The following THADA variants were observed in gnomAD, a reference collection of about 807,000 sequenced individuals.
THADA encodes the protein THADA armadillo repeat containing.
In THADA, 213 loss-of-function variants were observed where a neutral mutation model predicts 219.8. That is an observed-to-expected ratio of 0.97 (90% CI 0.87 to 1.09). THADA has a LOEUF of 1.09. Among genes scored for constraint, THADA ranks in the 50% least tolerant of loss-of-function variants. The probability of loss-of-function intolerance (pLI) is 0.00; values close to 1 mark genes in which losing one functional copy is unlikely to be tolerated. For synonymous variants in THADA, 1,018 were observed against 828.9 expected, an observed-to-expected ratio of 1.23 and a Z score of -3.92; for missense variants, 2,956 against 2,311.3, an observed-to-expected ratio of 1.28 and a Z score of -5.72.
chr2:43,542,906 G>A (rs777031835), intron 20 of THADA, among the ~76,000 whole-genome samples: 2 of 151,894 alleles, frequency 1.3e-5, no homozygotes, highest in Non-Finnish European at 2.9e-5. Context: ...TAGGGTACAT[G>A]TGCACAATGT....
intron 35 of THADA, among the ~76,000 whole-genome samples, chr2:43,285,095 C>G (rs745401687): frequency 1.6e-4 from 24 of 152,178 alleles, no homozygotes; most frequent in Non-Finnish European, 2.8e-4. Context: ...GGGAGTTACC[C>G]TGGCTCAGAT....
intron 22 of THADA, among the ~76,000 whole-genome samples, chr2:43,516,830 A>T (rs931855263): frequency 6.6e-6 from 1 of 152,154 alleles, no homozygotes; most frequent in East Asian, 1.9e-4. Context: ...TTTTAAAGAG[A>T]TCTATCAGGT....
In THADA at chr2:43,586,896, C is replaced by T. The variant is rs753309055; in HGVS notation, c.409G>A (p.Val137Ile). Residue 137 changes from valine (V) to isoleucine (I), a missense_variant, in exon 5 of 38, where the codon GTT becomes ATT. Val to Ile is a conservative substitution (Grantham distance 29). Coordinates refer to ENST00000405975, the MANE Select transcript of THADA (RefSeq NM_022065.5). Reference protein sequence around the residue: ...NTTDLYSYRKVTDNISSCMEN... With the variant: ...NTTDLYSYRKITDNISSCMEN... Reference sequence around the variant, plus strand: ...ATACAGGAAGAAATATTGTCAGTAACTTTCCTGTAAGAGTATAAGTCAGTA... The same window carrying T: ...ATACAGGAAGAAATATTGTCAGTAATTTTCCTGTAAGAGTATAAGTCAGTA... The T allele has an allele frequency of 6.2e-7, 1 of 1,613,884 alleles. No individual in the cohort carries two copies. Among genetic ancestry groups the T allele is most frequent in the Admixed American group, 1.7e-5 (1 of 60,008 alleles).
intron 26 of THADA, among the ~76,000 whole-genome samples, chr2:43,440,864 C>CTA (rs1482462796): frequency 6.6e-6 from 1 of 152,134 alleles, no homozygotes; most frequent in Non-Finnish European, 1.5e-5. Flanking sequence ...GGCAGTGGAG[C>CTA]TACTATTCTA....
chr2:43,517,051 G>C (rs1183698868), intron 22 of THADA, among the ~76,000 whole-genome samples: 2 of 152,038 alleles, frequency 1.3e-5, no homozygotes, highest in African/African-American at 2.4e-5. Flanking sequence ...CATTGGGGTG[G>C]GGGTTAAAGT....
At chr2:43,265,165 T>C (rs1398219412) in intron 36 of THADA, among the ~76,000 whole-genome samples, 3 of 152,162 alleles carry the variant, frequency 2.0e-5, no homozygotes, top group African/African-American at 7.2e-5. Flanking sequence ...CAGCAACTCC[T>C]GCCCATTCCA....
At chr2:43,571,518 T>C (rs1476667417) in intron 13 of THADA, among the ~76,000 whole-genome samples, 189 bp downstream of exon 13, 3 of 152,040 alleles carry the variant, frequency 2.0e-5, no homozygotes, top group Non-Finnish European at 4.4e-5. Context: ...TGCTTTTCAC[T>C]CTGGATTTTA....
chr2:43,375,709 T>G (rs1222161921), intron 29 of THADA, among the ~76,000 whole-genome samples: 1 of 152,210 alleles, frequency 6.6e-6, no homozygotes, highest in Non-Finnish European at 1.5e-5. Context: ...GCCAAAAGAA[T>G]ATAACGCTGG....
chr2:43,497,100 T>C (rs1265188980), intron 25 of THADA, among the ~76,000 whole-genome samples: 1 of 152,136 alleles, frequency 6.6e-6, no homozygotes, highest in Non-Finnish European at 1.5e-5. Flanking sequence ...AAATGTAAAT[T>C]AGTTCAACCA....
rs1217122584 is a variant in THADA, at chr2:43,428,194, G to C, written c.3964C>G (p.Leu1322Val). 1.9e-6 allele frequency: 3 copies of C among 1,606,740 alleles called. No individual in the cohort carries two copies. Among genetic ancestry groups the C allele is most frequent in the African/African-American group, 2.7e-5 (2 of 74,706 alleles). Reference protein sequence around the residue: ...GEPNRHPSMFLLLLVLERLYA... With the variant: ...GEPNRHPSMFVLLLVLERLYA... ...AGTCTCTCCAACACCAAAAGTAAGA[G>C]AAACATGCTTGGATGACGATTTGGT... Residue 1322 changes from leucine to valine, a missense_variant, in exon 28 of 38, where the codon CTC becomes GTC. By Grantham distance (32) the Leu-to-Val change is conservative. Coordinates refer to ENST00000405975, the MANE Select transcript of THADA (RefSeq NM_022065.5).
intron 29 of THADA, among the ~76,000 whole-genome samples, chr2:43,348,612 T>C (rs1667907871): frequency 6.6e-6 from 1 of 152,102 alleles, no homozygotes; most frequent in Non-Finnish European, 1.5e-5. Flanking sequence ...GAGGAAAGGA[T>C]ACATCTGAGA....
At position 43,541,158 on chromosome 2, in the gene THADA, C is replaced by T. The variant is rs770451674; in HGVS notation, c.3264+1G>A. 2.6e-6 allele frequency: 4 copies of T among 1,558,780 alleles called. No homozygotes were observed. The South Asian group carries it at 3.7e-5, about 14-fold the overall frequency. On this transcript the variant is annotated splice_donor_variant, in intron 21 of 37. Coordinates refer to ENST00000405975, the MANE Select transcript of THADA (RefSeq NM_022065.5). LOFTEE classifies it high-confidence loss of function. ...CATGGTGGAATAAACATGTGCCTTACCTGCTCCACCGTCAATAATCCATCA... is the reference window on the plus strand; with the variant it reads ...CATGGTGGAATAAACATGTGCCTTATCTGCTCCACCGTCAATAATCCATCA...
chr2:43,326,200 A>G (rs1166021834), intron 30 of THADA, among the ~76,000 whole-genome samples: 1 of 150,700 alleles, frequency 6.6e-6, no homozygotes, highest in East Asian at 1.9e-4. Flanking sequence ...GAAAGCCACT[A>G]GTGTAGTTGG....
intron 26 of THADA, among the ~76,000 whole-genome samples, chr2:43,441,520 C>T (rs1001748202): frequency 1.3e-5 from 2 of 152,120 alleles, no homozygotes; most frequent in African/African-American, 4.8e-5. Context: ...GGGGCTTATC[C>T]AAACTTCACT....
intron 36 of THADA, among the ~76,000 whole-genome samples, chr2:43,251,488 C>T (rs1304971297): frequency 1.3e-5 from 2 of 152,232 alleles, no homozygotes; most frequent in Non-Finnish European, 2.9e-5. Flanking sequence ...TCTCTGCTCT[C>T]TAAAAGCAGA....
At chr2:43,490,760 T>G (rs1687530255) in intron 25 of THADA, among the ~76,000 whole-genome samples, 1 of 152,172 alleles carries the variant, frequency 6.6e-6, no homozygotes, top group African/African-American at 2.4e-5. Context: ...GATATCTAAT[T>G]TATAAATTAA....
In THADA at chr2:43,527,877, A is replaced by C; in HGVS notation, c.3374+2T>G. 1 of 1,591,368 alleles carries C rather than the reference A, an allele frequency of 6.3e-7. No homozygotes were observed. The highest frequency in any genetic ancestry group is 8.6e-7 in the Non-Finnish European group (1 of 1,161,144). On this transcript the variant is annotated splice_donor_variant, in intron 22 of 37. Coordinates refer to ENST00000405975, the MANE Select transcript of THADA (RefSeq NM_022065.5). LOFTEE classifies it high-confidence loss of function. ...ACGTACACAAAAGGATATTTGTTTTACCTGTTTAGTACTTCAGTGAGTTTC... is the reference window on the plus strand; with the variant it reads ...ACGTACACAAAAGGATATTTGTTTTCCCTGTTTAGTACTTCAGTGAGTTTC...
chr2:43,285,243 T>G (rs956388204), intron 35 of THADA, among the ~76,000 whole-genome samples: 2 of 152,156 alleles, frequency 1.3e-5, no homozygotes, highest in Admixed American at 6.5e-5. Flanking sequence ...TGATATGATC[T>G]GGACTTGTGT....
In THADA at chr2:43,498,895, T is replaced by A; in HGVS notation, c.3682A>T (p.Ile1228Phe). The A allele has an allele frequency of 2.5e-6, 4 of 1,608,784 alleles. No individual in the cohort carries two copies. The highest frequency in any genetic ancestry group is 3.4e-6 in the Non-Finnish European group (4 of 1,177,520). ...FRDTRLGENIIPYVADGAKAA... is the reference protein window; with the variant it reads ...FRDTRLGENIFPYVADGAKAA... ...TTAGCTCCATCAGCAACATAAGGAA[T>A]AATATTTTCTCCCAGGCGCGTATCT... Residue 1228 changes from isoleucine (I) to phenylalanine (F), a missense_variant, in exon 25 of 38, where the codon ATT (isoleucine) becomes TTT (phenylalanine). Coordinates refer to ENST00000405975, the MANE Select transcript of THADA (RefSeq NM_022065.5).
Sources: allele counts gnomAD v4.1 joint callset (sites outside exome capture counted in the v4.1 genomes callset), GRCh38; gene constraint gnomAD v4.1.1; transcripts MANE v1.5; gene names NCBI Gene and HGNC (gene_info 2026-07-23, HGNC 2026-07-21).